MED12L: variants seen among roughly 807,000 people sequenced by gnomAD.
MED12L encodes mediator of RNA polymerase II transcription subunit 12-like protein.
MED12L carries 60 observed loss-of-function variants against 281.3 expected under a neutral mutation model. The ratio of observed to expected loss-of-function variants is 0.21; its 90% confidence interval spans 0.17 to 0.26. The LOEUF is 0.26. Ranked by LOEUF, MED12L falls within the 10% of genes least tolerant of loss-of-function variation. MED12L has a pLI of 1.00. For missense variants in MED12L, 2,146 were observed against 2,680.9 expected, an observed-to-expected ratio of 0.80 and a Z score of 4.41; for synonymous variants, 974 against 987.2, an observed-to-expected ratio of 0.99 and a Z score of 0.25.
rs1250978508 is a variant in MED12L at position 151,127,904 on chromosome 3, T to C, written c.476T>C (p.Leu159Pro). ...YSVPMVRATW[L>P]IKMTCAYYSA... ...GTGCCAATGGTTCGAGCAACGTGGC[T>C]GATCAAGATGACTTGTGCCTATTAT... Residue 159 changes from leucine to proline, a missense_variant, in exon 5 of 45, where the codon CTG becomes CCG. Physicochemically the swap from Leu to Pro is moderately conservative, Grantham distance 98. Transcript: ENST00000687756. The C allele has an allele frequency of 6.2e-7, 1 of 1,613,910 alleles. No homozygotes were observed. The highest frequency in any genetic ancestry group is 8.5e-7 in the Non-Finnish European group (1 of 1,179,866).
At chr3:151,242,674 G>A (rs917016791) in intron 16 of MED12L, among the ~76,000 whole-genome samples, 3 of 152,180 alleles carry the variant, frequency 2.0e-5, no homozygotes, top group Non-Finnish European at 4.4e-5. Context: ...GGAAAAAACA[G>A]AACAGAAAAA....
At chr3:151,123,008 G>A in intron 4 of MED12L, 34 bp downstream of exon 4, 3 of 1,502,024 alleles carry the variant, frequency 2.0e-6, no homozygotes, top group Non-Finnish European at 2.7e-6. Context: ...TTTAGTTATG[G>A]TCTTATAATC....
chr3:151,213,942 C>T (rs760692274), intron 16 of MED12L: 1 of 1,614,130 alleles, frequency 6.2e-7, no homozygotes, highest in Non-Finnish European at 8.5e-7. Flanking sequence ...TCCAAAGAGG[C>T]TTTACAATTT....
chr3:151,167,850 G>A (rs1266133166), intron 11 of MED12L, among the ~76,000 whole-genome samples: 6 of 152,166 alleles, frequency 3.9e-5, no homozygotes, highest in Admixed American at 3.9e-4. Context: ...ACATATAGGT[G>A]AGTTATCTGG....
chr3:151,150,748 C>T (rs1307752602), intron 5 of MED12L, among the ~76,000 whole-genome samples: 1 of 152,268 alleles, frequency 6.6e-6, no homozygotes, highest in Non-Finnish European at 1.5e-5. Context: ...GTGGCAGCTT[C>T]TACGTCAGCA....
At chr3:151,092,232 A>G (rs1315771479) in intron 2 of MED12L, among the ~76,000 whole-genome samples, 2 of 152,156 alleles carry the variant, frequency 1.3e-5, no homozygotes, top group Non-Finnish European at 2.9e-5. Context: ...AAACTCCCCC[A>G]CAGGGAGGCC....
In MED12L at chr3:151,243,063, A is replaced by C. The variant is rs542263943; in HGVS notation, c.2250+49397A>C. Among the ~76,000 whole-genome samples the C allele has an allele frequency of 1.7e-3, 262 of 151,306 alleles. 1 individual carries two copies. Among genetic ancestry groups the C allele is most frequent in the African/African-American group, 6.1e-3 (252 of 41,352 alleles). On this transcript the variant is annotated intron_variant, in intron 16 of 44. Coordinates refer to ENST00000687756, the MANE Select transcript of MED12L (RefSeq NM_001393769.1). ...AAATGAAGCGAGAAGGGAAGTTTAG[A>C]GAAAAAAGAATAAAAAGAAATGAGC... is the stretch of plus-strand genomic sequence containing the variant.
chr3:151,354,237 G>T (rs1405274497), intron 17 of MED12L, among the ~76,000 whole-genome samples: 3 of 142,506 alleles, frequency 2.1e-5, no homozygotes, highest in Non-Finnish European at 3.0e-5. Context: ...ATTTGTCTTT[G>T]TAAACATAAA....
At position 151,164,012 on chromosome 3, in the gene MED12L, G is replaced by T. The variant is rs747379317; in HGVS notation, c.1227G>T (p.Met409Ile). The T allele has an allele frequency of 4.3e-6, 7 of 1,613,560 alleles. 1 individual carries two copies. In the South Asian group the frequency reaches 7.7e-5, roughly 18 times the overall value. The change falls in exon 9 of 45, where the codon ATG becomes ATT. Residue 409 changes from methionine to isoleucine, a missense_variant. Around this residue, in one of 9 missense-constraint regions of MED12L, gnomAD observed 722 missense variants for 861.2 expected, o/e 0.84. Coordinates refer to ENST00000687756, the MANE Select transcript of MED12L (RefSeq NM_001393769.1). ...LLQVAPSSLP[M>I]PGGNTAFNQQ... ...AGGTGGCCCCGTCCAGCCTCCCCAT[G>T]CCGGGTGGGAACACGGCTTTCAATC...
In MED12L at chr3:151,129,362, CTG is replaced by C. The variant is rs1317001217; in HGVS notation, c.556+1380_556+1381del. Reference sequence around the variant, plus strand: ...GTTAAAAGAAATAAGCAAAAAGAAACTGTATTTTAGAGAAGAAATGCCCAGGA... The same window carrying C: ...GTTAAAAGAAATAAGCAAAAAGAAACTATTTTAGAGAAGAAATGCCCAGGA... On this transcript the variant is annotated intron_variant, in intron 5 of 44. Transcript: ENST00000687756. 8.5e-5 allele frequency among the ~76,000 whole-genome samples: 13 copies of C among 152,128 alleles called. No homozygotes were observed. The East Asian group carries it at 2.3e-3, about 27-fold the overall frequency.
intron 16 of MED12L, among the ~76,000 whole-genome samples, chr3:151,250,945 TTG>T (rs1402162326): frequency 6.6e-6 from 1 of 152,184 alleles, no homozygotes; most frequent in Non-Finnish European, 1.5e-5. Flanking sequence ...CATTTGTGTG[TTG>T]TGTTTGTTCT....
At chr3:151,423,422 CAG>C (rs1031001812) in intron 43 of MED12L, among the ~76,000 whole-genome samples, 2 of 152,114 alleles carry the variant, frequency 1.3e-5, no homozygotes, top group African/African-American at 2.4e-5. Context: ...CACCAGAAAA[CAG>C]AGTTTTTCTG....
In MED12L at chr3:151,394,778, T is replaced by C. The variant is rs1413285932; in HGVS notation, c.5731T>C (p.Ser1911Pro). Residue 1911 changes from serine to proline, a missense_variant, in exon 39 of 45, where the codon TCG becomes CCG. Physicochemically the swap from Ser to Pro is moderately conservative, Grantham distance 74. This residue lies in a region of MED12L where 496 missense variants were observed against 512.0 expected (regional missense o/e 0.97). Transcript: ENST00000687756. Reference sequence around the variant, plus strand: ...GCCGCCTTCTCTTCATGCAATCACATCGCAGCAGCAGTTGATACAGATGAA... The same window carrying C: ...GCCGCCTTCTCTTCATGCAATCACACCGCAGCAGCAGTTGATACAGATGAA... ...MQPPSLHAIT[S>P]QQQLIQMKLL... 9.9e-6 allele frequency: 16 copies of C among 1,614,094 alleles called. No individual in the cohort carries two copies. Among genetic ancestry groups the C allele is most frequent in the Non-Finnish European group, 1.4e-5 (16 of 1,180,036 alleles).
chr3:151,259,178 A>G (rs1738403577), intron 16 of MED12L, among the ~76,000 whole-genome samples: 1 of 152,190 alleles, frequency 6.6e-6, no homozygotes, highest in Admixed American at 6.5e-5. Flanking sequence ...TTTGTGTTTG[A>G]TTAGTTATCC....
At chr3:151,099,662 T>G (rs1286442847) in intron 2 of MED12L, among the ~76,000 whole-genome samples, 1 of 152,036 alleles carries the variant, frequency 6.6e-6, no homozygotes, top group Non-Finnish European at 1.5e-5. Flanking sequence ...GCTCCAGAGG[T>G]ATTGGACTTG....
chr3:151,422,883 G>A (rs1180391449), intron 43 of MED12L, among the ~76,000 whole-genome samples: 3 of 142,320 alleles, frequency 2.1e-5, no homozygotes, highest in Non-Finnish European at 4.6e-5. Context: ...TAGAATTCAA[G>A]TTTTATTTAG....
At chr3:151,255,585 C>T (rs1393117739) in intron 16 of MED12L, among the ~76,000 whole-genome samples, 1 of 152,094 alleles carries the variant, frequency 6.6e-6, no homozygotes, top group Non-Finnish European at 1.5e-5. Flanking sequence ...GCGATTTTTC[C>T]TGCAGCTTCC....
chr3:151,093,169 TG>T (rs1165841532), intron 2 of MED12L, among the ~76,000 whole-genome samples: 3 of 152,182 alleles, frequency 2.0e-5, no homozygotes, highest in African/African-American at 7.2e-5. Context: ...CCAGGTTTGG[TG>T]GTGCACACCT....
At chr3:151,288,220 A>T (rs1478621311) in intron 16 of MED12L, among the ~76,000 whole-genome samples, 2 of 152,256 alleles carry the variant, frequency 1.3e-5, no homozygotes, top group African/African-American at 2.4e-5. Context: ...GCAAAGTATG[A>T]GGCACAATTC....
Sources: gnomAD v4.1 joint callset for allele counts (sites outside exome capture counted in the v4.1 genomes callset) on GRCh38, gnomAD v4.1.1 for gene constraint, gnomAD v4.1.1 regional missense constraint, MANE v1.5 for transcripts, NCBI Gene and HGNC (gene_info 2026-07-23, HGNC 2026-07-21) for gene names.